Variants in PSMD1 observed in about 807,000 individuals in gnomAD.
PSMD1 encodes proteasome 26S subunit, non-ATPase 1, also known as 26S proteasome non-ATPase regulatory subunit 1.
A neutral mutation model predicts 119.0 loss-of-function variants in PSMD1; 18 were observed. That is an observed-to-expected ratio of 0.15 (90% CI 0.10 to 0.22). The LOEUF (loss-of-function observed/expected upper bound fraction) is 0.22. Among genes scored for constraint, PSMD1 ranks in the 10% least tolerant of loss-of-function variants. The probability of loss-of-function intolerance (pLI) is 1.00; values close to 1 mark genes in which losing one functional copy is unlikely to be tolerated. For synonymous variants in PSMD1, 374 were observed against 396.6 expected (o/e 0.94, Z 0.68); for missense variants, 702 against 1,158.5 (o/e 0.61, Z 5.72).
chr2:231,091,680 TTA>T (rs1477112703), intron 16 of PSMD1, among the ~76,000 whole-genome samples: 1 of 152,172 alleles, frequency 6.6e-6, no homozygotes, highest in African/African-American at 2.4e-5. Flanking sequence ...AGGAGAGATG[TTA>T]TCTCACATCC....
At chr2:231,134,575 T>C (rs1194191609) in intron 16 of PSMD1, among the ~76,000 whole-genome samples, 1 of 152,242 alleles carries the variant, frequency 6.6e-6, no homozygotes, top group Non-Finnish European at 1.5e-5. Context: ...CAAGTGGTTA[T>C]TATGCTAGTA....
At chr2:231,070,873 G>T (rs1559218718) in intron 6 of PSMD1, among the ~76,000 whole-genome samples, 1 of 151,892 alleles carries the variant, frequency 6.6e-6, no homozygotes, top group Non-Finnish European at 1.5e-5. Context: ...GCATTTTATT[G>T]CACATTTTAT....
At chr2:231,102,158 C>A (rs1694883875) in intron 16 of PSMD1, among the ~76,000 whole-genome samples, 1 of 152,038 alleles carries the variant, frequency 6.6e-6, no homozygotes. Context: ...TTTTTTTGGA[C>A]ATAATGATGT....
intron 16 of PSMD1, among the ~76,000 whole-genome samples, chr2:231,128,373 A>G (rs549694931): frequency 1.2e-4 from 19 of 152,340 alleles, no homozygotes; most frequent in African/African-American, 4.3e-4. Context: ...GTGGAGTTCA[A>G]ATATTTCTCA....
intron 6 of PSMD1, among the ~76,000 whole-genome samples, chr2:231,071,814 A>G (rs1218188552): frequency 1.3e-5 from 2 of 152,216 alleles, no homozygotes; most frequent in East Asian, 1.9e-4. Flanking sequence ...TGTATGTTAA[A>G]TGAATGAGTA....
At chr2:231,081,659 G>A (rs551391937) in intron 12 of PSMD1, among the ~76,000 whole-genome samples, 1 of 152,304 alleles carries the variant, frequency 6.6e-6, no homozygotes, top group South Asian at 2.1e-4. Flanking sequence ...GTCCCACCAG[G>A]ACTCTAACCA....
At chr2:231,123,700 G>C (rs1440481569) in intron 16 of PSMD1, 1 of 1,614,054 alleles carries the variant, frequency 6.2e-7, no homozygotes, top group Admixed American at 1.7e-5. Context: ...GTGAACAAAG[G>C]TGCTCTGCAA....
intron 16 of PSMD1, among the ~76,000 whole-genome samples, chr2:231,103,171 A>T (rs1559231013): frequency 6.6e-6 from 1 of 152,220 alleles, no homozygotes; most frequent in African/African-American, 2.4e-5. Context: ...CCTATCGTGG[A>T]TGGAAATGTT....
At chr2:231,146,210 A>C in intron 17 of PSMD1, 30 bp from the exon 18 acceptor site, 2 of 1,476,110 alleles carry the variant, frequency 1.4e-6, no homozygotes, top group Non-Finnish European at 1.9e-6. Context: ...ACTTTATTTA[A>C]AAGTTGTGTG....
At chr2:231,069,924 C>G (rs1694001912) in intron 5 of PSMD1, 101 bp from the exon 6 acceptor site, 3 of 1,003,840 alleles carry the variant, frequency 3.0e-6, no homozygotes, top group Non-Finnish European at 3.9e-6. Context: ...AATTGGCTTC[C>G]TAGATTGGCT....
At chr2:231,100,002 A>AT (rs1332995656) in intron 16 of PSMD1, among the ~76,000 whole-genome samples, 1 of 151,196 alleles carries the variant, frequency 6.6e-6, no homozygotes, top group African/African-American at 2.4e-5. Context: ...TTTATTTTTT[A>AT]TTTTTTTCTG....
At chr2:231,160,379 C>T (rs1021495137) in intron 19 of PSMD1, among the ~76,000 whole-genome samples, 3 of 152,304 alleles carry the variant, frequency 2.0e-5, no homozygotes, top group Non-Finnish European at 2.9e-5. Context: ...ATGCTCAATG[C>T]TTTCGTAGAT....
chr2:231,096,616 G>A lies in PSMD1; in HGVS notation c.1883+9435G>A, dbSNP rs1024238176. Reference sequence around the variant, plus strand: ...CGGTGCCACAAAAGAAATAGCACTTGAATATAAAATTTTCTTTTTAATTCT... The same window carrying A: ...CGGTGCCACAAAAGAAATAGCACTTAAATATAAAATTTTCTTTTTAATTCT... On this transcript the variant is annotated intron_variant, in intron 16 of 24. Transcript: ENST00000308696. Among the ~76,000 whole-genome samples, 5 of 152,330 alleles carry A rather than the reference G, an allele frequency of 3.3e-5. No individual in the cohort carries two copies. The East Asian group carries it at 5.8e-4, about 18-fold the overall frequency.
rs1696733488 is a variant in PSMD1, at chr2:231,165,034, T to TA, written c.2482-166_2482-165insA. On this transcript the variant is annotated intron_variant, in intron 21 of 24. Transcript: ENST00000308696. ...CATTTATTCTTTGATTTATATATAT[T>TA]TATATATATATATATATATATATAT... 30 of 21,834 alleles carry TA rather than the reference T, an allele frequency of 1.4e-3. 2 individuals are homozygous for TA. Among genetic ancestry groups the TA allele is most frequent in the Non-Finnish European group, 1.8e-3 (23 of 13,094 alleles). 1.4% of individuals were successfully genotyped at this position (21,834 alleles called of 1,614,324 possible).
chr2:231,075,012 G>A (rs1427369333), intron 7 of PSMD1, among the ~76,000 whole-genome samples: 1 of 152,080 alleles, frequency 6.6e-6, no homozygotes, highest in Non-Finnish European at 1.5e-5. Context: ...AAATTTTTTT[G>A]TGGAGACAAG....
chr2:231,087,332 CG>C, intron 16 of PSMD1, 151 bp downstream of exon 16: 1 of 625,074 alleles, frequency 1.6e-6, no homozygotes, highest in Non-Finnish European at 2.8e-6. Flanking sequence ...CATTTAATAG[CG>C]AGATTAGTAC....
chr2:231,152,000 G>A (rs1696387665), intron 18 of PSMD1, among the ~76,000 whole-genome samples: 1 of 151,916 alleles, frequency 6.6e-6, no homozygotes, highest in East Asian at 1.9e-4. Context: ...TTTTAGTAGA[G>A]ACAGGGCTTC....
chr2:231,106,272 T>C (rs1694971893), intron 16 of PSMD1, among the ~76,000 whole-genome samples: 1 of 152,184 alleles, frequency 6.6e-6, no homozygotes, highest in Non-Finnish European at 1.5e-5. Context: ...TTCTAGAATA[T>C]TCTGGAAATA....
intron 5 of PSMD1, among the ~76,000 whole-genome samples, chr2:231,069,352 C>G (rs1693985202): frequency 6.6e-6 from 1 of 151,968 alleles, no homozygotes; most frequent in Non-Finnish European, 1.5e-5. Context: ...ATTTGCTAGT[C>G]ACACTTCATT....
Sources: gnomAD v4.1 joint callset for allele counts (sites outside exome capture counted in the v4.1 genomes callset) on GRCh38, gnomAD v4.1.1 for gene constraint, MANE v1.5 for transcripts, NCBI Gene and HGNC (gene_info 2026-07-23, HGNC 2026-07-21) for gene names.